AMPD3: variants seen among roughly 807,000 people sequenced by gnomAD.
AMPD3 encodes AMP deaminase 3.
In AMPD3, 57 loss-of-function variants were observed where a neutral mutation model predicts 82.3. The observed-to-expected ratio is 0.69, with a 90% confidence interval of 0.56 to 0.86. The LOEUF (loss-of-function observed/expected upper bound fraction) is 0.86, where lower values mean the gene tolerates loss of function less well. Among genes scored for constraint, AMPD3 ranks in the 40% least tolerant of loss-of-function variants. The probability of loss-of-function intolerance (pLI) is 0.00; values close to 1 mark genes in which losing one functional copy is unlikely to be tolerated. For synonymous variants in AMPD3, 381 were observed against 394.7 expected (o/e 0.97, Z 0.41); for missense variants, 870 against 1,003.8 (o/e 0.87, Z 1.80).
At chr11:10,484,680 A>T in intron 4 of AMPD3, 140 bp from the exon 5 acceptor site, 1 of 1,218,304 alleles carries the variant, frequency 8.2e-7, no homozygotes, top group South Asian at 1.3e-5. Context: ...AAAAGGAAGC[A>T]GGGAAGAGCA....
intron 2 of AMPD3, among the ~76,000 whole-genome samples, chr11:10,464,766 TCTCCCCAG>T (rs1420483148): frequency 6.6e-6 from 1 of 152,244 alleles, no homozygotes; most frequent in East Asian, 1.9e-4. Flanking sequence ...GAGGACACCC[TCTCCCCAG>T]CTCCCTCTTT....
rs1238343368 is a variant in AMPD3 at position 10,496,925 on chromosome 11, T to G, written c.1544T>G (p.Leu515Arg). ...CCCCAAGATCATCGAGAGCTTCACC[T>G]CTTCCTTAAATATGTAAGTGTGGGT... ...INPQDHRELH[L>R]FLKYVTGFDS... is the part of the protein sequence containing the mutation. The change falls in exon 10 of 15, where the codon CTC (leucine) becomes CGC (arginine). Residue 515 changes from leucine (L) to arginine (R), a missense_variant. Physicochemically the swap from Leu to Arg is moderately radical, Grantham distance 102. Coordinates refer to ENST00000396553, the MANE Select transcript of AMPD3 (RefSeq NM_001025389.2). 7 of 1,613,978 alleles carry G rather than the reference T, an allele frequency of 4.3e-6. No homozygotes were observed. Among genetic ancestry groups the G allele is most frequent in the African/African-American group, 1.3e-5 (1 of 74,914 alleles).
chr11:10,488,605 A>C (rs12416948), intron 6 of AMPD3, among the ~76,000 whole-genome samples: 69,277 of 151,802 alleles, frequency 0.46, 16,999 homozygotes, highest in East Asian at 0.77. Context: ...GTCCTGGATC[A>C]TGCAGGGGCT....
At position 10,461,574 on chromosome 11, in the gene AMPD3, C is replaced by T. The variant is rs1265718905; in HGVS notation, c.55C>T (p.Leu19Phe). The change falls in exon 2 of 15, where the codon CTC becomes TTC. Residue 19 changes from leucine to phenylalanine, a missense_variant. By Grantham distance (22) the Leu-to-Phe change is conservative (BLOSUM62 0). Transcript: ENST00000396553. Reference protein sequence around the residue: ...NISEVDEQVRLLAEKVFAKVL... With the variant: ...NISEVDEQVRFLAEKVFAKVL... ...CTCTGAAGTGGATGAGCAAGTCCGG[C>T]TCCTGGCGGAGAAGGTGTTTGCTAA... The T allele has an allele frequency of 6.2e-7, 1 of 1,614,210 alleles. No individual in the cohort carries two copies. The highest frequency in any genetic ancestry group is 2.2e-5 in the East Asian group (1 of 44,876).
chr11:10,486,231 C>T (rs1393690241), intron 5 of AMPD3, among the ~76,000 whole-genome samples: 1 of 152,152 alleles, frequency 6.6e-6, no homozygotes, highest in African/African-American at 2.4e-5. Context: ...CTGAGGCTGT[C>T]CTGTGCTCCG....
chr11:10,481,502 C>G (rs1217778837), intron 3 of AMPD3: 3 of 985,266 alleles, frequency 3.0e-6, no homozygotes, highest in Non-Finnish European at 3.6e-6. Flanking sequence ...CTAACTCCTC[C>G]TGTGTCTCCT....
intron 10 of AMPD3, among the ~76,000 whole-genome samples, chr11:10,499,089 GCAAGGACCCT>G (rs151281644): frequency 0.019 from 2,925 of 152,332 alleles, 95 homozygotes; most frequent in African/African-American, 0.064. Context: ...GCTTAGCCCA[GCAAGGACCCT>G]CTTATCTGTC....
intron 14 of AMPD3, 132 bp downstream of exon 14, chr11:10,504,791 GA>G: frequency 1.2e-6 from 1 of 862,108 alleles, no homozygotes; most frequent in Non-Finnish European, 1.9e-6. Flanking sequence ...GGCACAGGGA[GA>G]GAAGACGCGG....
chr11:10,451,194 T>G, upstream of AMPD3: 1 of 1,454,100 alleles, frequency 6.9e-7, no homozygotes, highest in Non-Finnish European at 9.1e-7. Flanking sequence ...TCCGATCCCT[T>G]GCCCTGTCCC....
chr11:10,493,241 A>G lies in AMPD3; in HGVS notation c.940-108A>G, dbSNP rs921990160. 2.3e-6 allele frequency: 3 copies of G among 1,305,634 alleles called. No individual in the cohort carries two copies. In the African/African-American group the frequency reaches 4.3e-5, roughly 19 times the overall value. The allele number at this position is 1,305,634 out of a possible 1,614,324, so 80.9% of individuals were successfully genotyped here. A position where few individuals can be genotyped will look rare whatever the true frequency, so the allele number is the denominator to read the frequency against. ...TCCAGACACTGGTGGGGCTGCCCGG[A>G]TGGCCCATGAGGTGCTGGGGTTCTG... On this transcript the variant is annotated intron_variant, in intron 6 of 14. Transcript: ENST00000396553.
At chr11:10,496,573 G>C in intron 9 of AMPD3, 1 of 984,726 alleles carries the variant, frequency 1.0e-6, no homozygotes, top group Non-Finnish European at 1.2e-6. Flanking sequence ...AGTGGCTTCT[G>C]GCTTGAGAAA....
At chr11:10,492,315 G>A (rs1289786844) in intron 6 of AMPD3, among the ~76,000 whole-genome samples, 1 of 152,254 alleles carries the variant, frequency 6.6e-6, no homozygotes, top group East Asian at 1.9e-4. Context: ...GAGTCCATAT[G>A]TTGGCTTAGG....
intron 11 of AMPD3, 59 bp from the exon 12 acceptor site, chr11:10,501,411 G>A (rs534686471): frequency 3.1e-6 from 5 of 1,601,322 alleles, no homozygotes; most frequent in African/African-American, 1.3e-5. Flanking sequence ...GTGGCTGCAG[G>A]CCCCAGGCAG....
chr11:10,503,846 T>C (rs921609526), intron 13 of AMPD3: 3 of 404,098 alleles, frequency 7.4e-6, no homozygotes, highest in Non-Finnish European at 1.0e-5. Flanking sequence ...AAATACATAA[T>C]TGGAAAAGAC....
intron 5 of AMPD3, 56 bp from the exon 6 acceptor site, chr11:10,487,179 A>T: frequency 6.2e-7 from 1 of 1,611,578 alleles, no homozygotes; most frequent in Non-Finnish European, 8.5e-7. Flanking sequence ...GGAGGCCTCC[A>T]AACTGGAGAG....
chr11:10,476,676 T>A (rs1196147622), intron 2 of AMPD3, among the ~76,000 whole-genome samples: 4 of 152,194 alleles, frequency 2.6e-5, no homozygotes, highest in Non-Finnish European at 5.9e-5. Flanking sequence ...GCGTCCCAGC[T>A]GAGGTCAGAA....
Position 10,501,476 on chromosome 11 carries a change from C to G in AMPD3, c.1728C>G (p.Arg576=). 6.2e-7 allele frequency: 1 copy of G among 1,614,006 alleles called. No individual in the cohort carries two copies. Among genetic ancestry groups the G allele is most frequent in the Non-Finnish European group, 8.5e-7 (1 of 1,179,940 alleles). The change falls in exon 12 of 15, where the codon CGC becomes CGG. Residue 576 remains arginine, a synonymous_variant. Transcript: ENST00000396553. ...GAAACCCCTTCTCTTACAGGGAGCGCGGCCTGAGCACGTTCCTGTTCCGGC... is the reference window on the plus strand; with the variant it reads ...GAAACCCCTTCTCTTACAGGGAGCGGGGCCTGAGCACGTTCCTGTTCCGGC... ...IMVLNNLRRE[R]GLSTFLFRPH...
intron 11 of AMPD3, chr11:10,500,724 C>T (rs1182521220): frequency 1.0e-6 from 1 of 985,312 alleles, no homozygotes; most frequent in East Asian, 1.1e-4. Context: ...GCCCTGGGCA[C>T]TGGACAAATA....
intron 12 of AMPD3, chr11:10,502,078 C>A: frequency 1.0e-6 from 1 of 985,434 alleles, no homozygotes; most frequent in Non-Finnish European, 1.2e-6. Flanking sequence ...AGAGTCCATC[C>A]ACCTTTTCAC....
Sources: gnomAD v4.1 joint callset for allele counts (sites outside exome capture counted in the v4.1 genomes callset) on GRCh38, gnomAD v4.1.1 for gene constraint, MANE v1.5 for transcripts, NCBI Gene and HGNC (gene_info 2026-07-23, HGNC 2026-07-21) for gene names.